The following ZFHX3 variants were observed in gnomAD, a reference collection of about 807,000 sequenced individuals.
ZFHX3 encodes the protein zinc finger homeobox 3, also known as zinc finger homeobox protein 3.
Under a neutral mutation model 279.1 loss-of-function variants are expected in ZFHX3, and 42 were observed. The observed-to-expected ratio is 0.15, with a 90% confidence interval of 0.12 to 0.19. The LOEUF (loss-of-function observed/expected upper bound fraction) is 0.19. Among genes scored for constraint, ZFHX3 ranks in the 10% least tolerant of loss-of-function variants. The probability of loss-of-function intolerance (pLI) is 1.00; values close to 1 mark genes in which losing one functional copy is unlikely to be tolerated. For synonymous variants in ZFHX3, 2,293 were observed against 1,957.8 expected (o/e 1.17, Z -4.52); for missense variants, 4,981 against 4,754.0 (o/e 1.05, Z -1.40).
chr16:73,582,123 T>C (rs1399920999), intron 2 of ZFHX3, among the ~76,000 whole-genome samples: 1 of 151,892 alleles, frequency 6.6e-6, no homozygotes, highest in Admixed American at 6.6e-5. Context: ...ACCTAAACAA[T>C]GGCTAGAAAC....
chr16:73,590,066 A>G (rs573428615), intron 2 of ZFHX3, among the ~76,000 whole-genome samples: 89 of 152,322 alleles, frequency 5.8e-4, no homozygotes, highest in African/African-American at 2.1e-3. Flanking sequence ...ATATTGTAGG[A>G]TAAAGAAAAG....
At chr16:72,865,873 T>G (rs2038007659) in intron 4 of ZFHX3, among the ~76,000 whole-genome samples, 1 of 151,508 alleles carries the variant, frequency 6.6e-6, no homozygotes, top group African/African-American at 2.4e-5. Context: ...AACTCTGGAG[T>G]AGGGCTCCCC....
At chr16:73,188,869 T>TC (rs1219747268) in intron 5 of ZFHX3, among the ~76,000 whole-genome samples, 2 of 146,496 alleles carry the variant, frequency 1.4e-5, no homozygotes, top group Non-Finnish European at 3.0e-5. Flanking sequence ...TCTTTTTCTT[T>TC]TTTTTTTTTT....
chr16:73,565,140 G>A (rs1442517528), intron 2 of ZFHX3, among the ~76,000 whole-genome samples: 1 of 152,058 alleles, frequency 6.6e-6, no homozygotes, highest in East Asian at 1.9e-4. Context: ...TGTAGTCCCA[G>A]CTATTCGGGA....
intron 2 of ZFHX3, among the ~76,000 whole-genome samples, chr16:73,626,173 G>C (rs2052414731): frequency 6.6e-6 from 1 of 152,130 alleles, no homozygotes; most frequent in African/African-American, 2.4e-5. Context: ...AATTCTTAAA[G>C]GATATTAACA....
In ZFHX3 at chr16:72,795,429, G is replaced by A. The variant is rs1043940883; in HGVS notation, c.7253C>T (p.Thr2418Ile). Residue 2418 changes from threonine to isoleucine, a missense_variant, in exon 9 of 10, where the codon ACC (threonine) becomes ATC (isoleucine). Physicochemically the swap from Thr to Ile is moderately conservative, Grantham distance 89. This residue lies in a region of ZFHX3 where 744 missense variants were observed against 701.3 expected (regional missense o/e 1.06). Transcript: ENST00000268489. ...GCCTGCCTCTGTTTTTGAATTGAAG[G>A]TGGCCAGTTCCTCAGCCTCCGCTGT... ...QLTAEAEELA[T>I]FNSKTEAGDE... 6.2e-7 allele frequency: 1 copy of A among 1,614,138 alleles called. No homozygotes were observed. The highest frequency in any genetic ancestry group is 8.5e-7 in the Non-Finnish European group (1 of 1,180,038).
chr16:73,754,177 A>G (rs2053785980), intron 1 of ZFHX3, among the ~76,000 whole-genome samples: 1 of 152,196 alleles, frequency 6.6e-6, no homozygotes. Flanking sequence ...TTGGTCAGTT[A>G]CAGAACTCAC....
At chr16:73,571,473 G>A (rs1245392106) in intron 2 of ZFHX3, among the ~76,000 whole-genome samples, 1 of 152,046 alleles carries the variant, frequency 6.6e-6, no homozygotes. Flanking sequence ...AACTCTCTCT[G>A]GGTCCTTTGG....
At position 73,472,268 on chromosome 16, in the gene ZFHX3, TAA is replaced by T. The variant is rs199783028; in HGVS notation, c.-1546-16012_-1546-16011del. Among the ~76,000 whole-genome samples, 232 of 132,372 alleles carry T rather than the reference TAA, an allele frequency of 1.8e-3. 1 individual carries two copies. The highest frequency in any genetic ancestry group is 5.9e-3 in the African/African-American group (211 of 35,520). The allele number at this position is 132,372 out of a possible 152,430, so 86.8% of individuals were successfully genotyped here. On this transcript the variant is annotated intron_variant, in intron 2 of 17. Coordinates refer to the ZFHX3 transcript ENST00000641206. ...GGTCAGGATTCTACTTTTTAAATCT[TAA>T]AAAAAAAAAAAAAAAAACAGCATAT...
intron 2 of ZFHX3, among the ~76,000 whole-genome samples, chr16:73,465,546 C>T (rs926539910): frequency 1.3e-5 from 2 of 152,108 alleles, no homozygotes; most frequent in Non-Finnish European, 2.9e-5. Context: ...CCTACAGCAT[C>T]GTCCACACTC....
chr16:73,695,297 G>A (rs868221059), intron 1 of ZFHX3, among the ~76,000 whole-genome samples: 55 of 150,000 alleles, frequency 3.7e-4, no homozygotes, highest in African/African-American at 1.1e-3. Flanking sequence ...GTGCAGTGGC[G>A]CGATCTCAGC....
chr16:73,212,623 T>C (rs1475309585), intron 5 of ZFHX3, among the ~76,000 whole-genome samples: 1 of 152,220 alleles, frequency 6.6e-6, no homozygotes, highest in Non-Finnish European at 1.5e-5. Flanking sequence ...CCTGGATCAT[T>C]TGCTGATCTG....
chr16:73,362,751 A>G (rs1435464141), intron 3 of ZFHX3, among the ~76,000 whole-genome samples: 1 of 152,206 alleles, frequency 6.6e-6, no homozygotes, highest in African/African-American at 2.4e-5. Context: ...TGGAGGTGAA[A>G]ATGAATAATA....
intron 5 of ZFHX3, among the ~76,000 whole-genome samples, chr16:73,252,419 A>C (rs2013537542): frequency 6.6e-6 from 1 of 152,162 alleles, no homozygotes; most frequent in Non-Finnish European, 1.5e-5. Flanking sequence ...TGGGTATGGA[A>C]GTCAAGTTGA....
At chr16:72,981,155 ACAC>A (rs1309501266) in intron 1 of ZFHX3, among the ~76,000 whole-genome samples, 1 of 152,104 alleles carries the variant, frequency 6.6e-6, no homozygotes, top group Admixed American at 6.6e-5. Flanking sequence ...CTCCTTTCAA[ACAC>A]CACCATCTAC....
intron 4 of ZFHX3, among the ~76,000 whole-genome samples, chr16:72,830,938 A>G (rs2037046126): frequency 6.6e-6 from 1 of 152,218 alleles, no homozygotes; most frequent in Non-Finnish European, 1.5e-5. Flanking sequence ...TCAGCAGACC[A>G]GACCCCAGCA....
At chr16:73,775,371 C>A (rs930480840) in intron 1 of ZFHX3, among the ~76,000 whole-genome samples, 1 of 152,146 alleles carries the variant, frequency 6.6e-6, no homozygotes, top group Non-Finnish European at 1.5e-5. Flanking sequence ...GCTCTATTCA[C>A]CTTCTGAATC....
chr16:72,783,965 C>CACTG lies in ZFHX3; in HGVS notation c.*3195_*3198dup, dbSNP rs982775360. ...ATGTTTGACCTCTAATGTTCACCAT[C>CACTG]ACTGACTGCTTTGCTACTTCTGGGT... On this transcript the variant is annotated 3_prime_UTR_variant, in exon 10 of 10. Coordinates refer to ENST00000268489, the MANE Select transcript of ZFHX3 (RefSeq NM_006885.4). 5 of 152,370 alleles carry CACTG rather than the reference C, an allele frequency of 3.3e-5. No individual in the cohort carries two copies. The highest frequency in any genetic ancestry group is 1.2e-4 in the African/African-American group (5 of 41,582). The allele number at this position is 152,370 out of a possible 1,614,324, so 9.4% of individuals were successfully genotyped here.
chr16:72,905,318 A>AT (rs1004772608), intron 3 of ZFHX3, among the ~76,000 whole-genome samples: 1 of 152,104 alleles, frequency 6.6e-6, no homozygotes, highest in Non-Finnish European at 1.5e-5. Flanking sequence ...AGTGACTTGA[A>AT]TTTTTTTAGT....
Sources: allele counts gnomAD v4.1 joint callset (sites outside exome capture counted in the v4.1 genomes callset), GRCh38; gene constraint gnomAD v4.1.1; regional missense constraint gnomAD v4.1.1; transcripts MANE v1.5; gene names NCBI Gene and HGNC (gene_info 2026-07-23, HGNC 2026-07-21).